Variants in TTLL13 observed in about 807,000 individuals in gnomAD.
TTLL13 encodes the protein tubulin tyrosine ligase like 13, also known as tubulin polyglutamylase TTLL13.
the TTLL13 span, chr15:90,250,592 A>C: frequency 1.9e-6 from 3 of 1,595,338 alleles, no homozygotes; most frequent in East Asian, 4.5e-5. Flanking sequence ...TCTGATATAC[A>C]CTTCATTCCC....
chr15:90,263,410 G>A, the TTLL13 span: 7 of 488,672 alleles, frequency 1.4e-5, no homozygotes, highest in Non-Finnish European at 3.6e-6. Context: ...CTATATTCCT[G>A]TCCCAAAATA....
At chr15:90,258,413 A>G in the TTLL13 span, 4 of 740,346 alleles carry the variant, frequency 5.4e-6, no homozygotes, top group Admixed American at 4.8e-5. Context: ...AGCAGAAGGC[A>G]TAAGATCTCT....
chr15:90,252,043 C>CT, the TTLL13 span, among the ~76,000 whole-genome samples: 7,920 of 133,414 alleles, frequency 0.059, 640 homozygotes, highest in African/African-American at 0.18. Flanking sequence ...TCACCTAATT[C>CT]TTTTTTTTTT....
At chr15:90,260,341 A>C in the TTLL13 span, among the ~76,000 whole-genome samples, 5 of 151,878 alleles carry the variant, frequency 3.3e-5, no homozygotes, top group Non-Finnish European at 7.4e-5. Flanking sequence ...TACAAAAAAT[A>C]CAAAAATTAG....
chr15:90,258,625 C>A, the TTLL13 span: 1 of 866,514 alleles, frequency 1.2e-6, no homozygotes, highest in Non-Finnish European at 1.8e-6. Flanking sequence ...GAGCATCCAG[C>A]CTCCCCGGCT....
chr15:90,253,170 C>T, the TTLL13 span: 1 of 1,209,982 alleles, frequency 8.3e-7, no homozygotes, highest in Admixed American at 1.8e-5. Flanking sequence ...AGGTGTATAC[C>T]TTACCTGACC....
the TTLL13 span, chr15:90,257,601 A>C: frequency 1.3e-6 from 2 of 1,596,420 alleles, no homozygotes; most frequent in Non-Finnish European, 1.7e-6. Flanking sequence ...GGCCGCATGC[A>C]GACAGTCTGA....
At chr15:90,253,122 G>A in the TTLL13 span, 25 of 607,956 alleles carry the variant, frequency 4.1e-5, no homozygotes, top group African/African-American at 4.4e-4. Flanking sequence ...ACAGGGCTGA[G>A]GCAAGAACTA....
At chr15:90,263,033 T>C in the TTLL13 span, 1 of 1,536,100 alleles carries the variant, frequency 6.5e-7, no homozygotes, top group African/African-American at 1.4e-5. Flanking sequence ...CTGGAGCGGA[T>C]GAAGGCCCTG....
the TTLL13 span, among the ~76,000 whole-genome samples, chr15:90,259,511 C>T: frequency 6.6e-6 from 1 of 152,172 alleles, no homozygotes; most frequent in Non-Finnish European, 1.5e-5. Context: ...ATCAACATTC[C>T]TACTATCATA....
the TTLL13 span, chr15:90,258,045 T>C: frequency 1.2e-6 from 2 of 1,613,986 alleles, no homozygotes; most frequent in Non-Finnish European, 1.7e-6. Context: ...CAGGAAGCTG[T>C]CGACACTCAA....
the TTLL13 span, chr15:90,258,686 G>A: frequency 1.4e-6 from 2 of 1,430,940 alleles, no homozygotes; most frequent in South Asian, 2.3e-5. Context: ...GCCTGCAAGA[G>A]GCCACCACCT....
the TTLL13 span, chr15:90,250,785 T>C: frequency 6.2e-7 from 1 of 1,614,038 alleles, no homozygotes. Flanking sequence ...AAAAATGGGG[T>C]TCCCTCACCC....
chr15:90,256,377 A>C, the TTLL13 span: 1 of 1,579,266 alleles, frequency 6.3e-7, no homozygotes, highest in Non-Finnish European at 8.7e-7. Flanking sequence ...GCCAGGGAGG[A>C]AGCTGGTCTT....
chr15:90,256,248 G>A, the TTLL13 span: 70 of 1,614,008 alleles, frequency 4.3e-5, no homozygotes, highest in East Asian at 3.8e-4. Flanking sequence ...CGAAATCCCC[G>A]GGAGATCAAG....
the TTLL13 span, among the ~76,000 whole-genome samples, chr15:90,261,495 C>T: frequency 6.6e-6 from 1 of 151,858 alleles, no homozygotes; most frequent in Admixed American, 6.6e-5. Flanking sequence ...CCCCTCTCCA[C>T]TTAAGATGAA....
chr15:90,262,446 C>G, the TTLL13 span: 1 of 1,441,130 alleles, frequency 6.9e-7, no homozygotes, highest in Non-Finnish European at 9.1e-7. Flanking sequence ...CCCCTCTTCT[C>G]CCCAACACCA....
chr15:90,258,583 T>C, the TTLL13 span: 2 of 650,706 alleles, frequency 3.1e-6, no homozygotes, highest in South Asian at 3.7e-5. Flanking sequence ...ATTGGAGATC[T>C]CTATGGCAGA....
chr15:90,263,464 G>T, the TTLL13 span: 2 of 484,592 alleles, frequency 4.1e-6, no homozygotes, highest in East Asian at 3.3e-5. Flanking sequence ...ACCACCCTCA[G>T]TGGCTTCTGT....
Sources: allele counts gnomAD v4.1 joint callset (sites outside exome capture counted in the v4.1 genomes callset), GRCh38; gene constraint gnomAD v4.1.1; transcripts MANE v1.5; gene names NCBI Gene and HGNC (gene_info 2026-07-23, HGNC 2026-07-21).